The following EIF3H variants were observed in gnomAD, a reference collection of about 807,000 sequenced individuals.
The protein encoded by EIF3H is eukaryotic translation initiation factor 3 subunit H, also known as eIF-3-gamma.
EIF3H carries 26 observed loss-of-function variants against 44.2 expected under a neutral mutation model. That is an observed-to-expected ratio of 0.59 (90% confidence interval 0.43 to 0.82). The LOEUF (loss-of-function observed/expected upper bound fraction) is 0.82, where lower values mean the gene tolerates loss of function less well. Ranked by LOEUF, EIF3H falls within the 40% of genes least tolerant of loss-of-function variation. EIF3H has a pLI of 0.00. For synonymous variants in EIF3H, 166 were observed against 151.9 expected, an observed-to-expected ratio of 1.09 and a Z score of -0.68; for missense variants, 359 against 432.8, an observed-to-expected ratio of 0.83 and a Z score of 1.51.
intron 2 of EIF3H, among the ~76,000 whole-genome samples, chr8:116,674,067 C>CAAAAAAAAAAA (rs59899280): frequency 8.1e-5 from 4 of 49,664 alleles, no homozygotes; most frequent in African/African-American, 3.7e-4. Flanking sequence ...AAGACTGTCT[C>CAAAAAAAAAAA]AAAAAAAAAA....
At chr8:116,662,964 T>C (rs780398493) in intron 2 of EIF3H, among the ~76,000 whole-genome samples, 3 of 152,040 alleles carry the variant, frequency 2.0e-5, no homozygotes, top group Non-Finnish European at 4.4e-5. Flanking sequence ...ATTGGGTAGG[T>C]AGGTAAGGAG....
At chr8:116,743,097 A>G (rs1227836285) in intron 1 of EIF3H, among the ~76,000 whole-genome samples, 9 of 152,194 alleles carry the variant, frequency 5.9e-5, no homozygotes, top group Non-Finnish European at 5.9e-5. Flanking sequence ...AAAGGCTACC[A>G]GTAAACCACA....
intron 1 of EIF3H, among the ~76,000 whole-genome samples, chr8:116,753,370 A>T (rs979508296): frequency 1.3e-5 from 2 of 152,012 alleles, no homozygotes; most frequent in Admixed American, 6.6e-5. Context: ...TCTTATTATG[A>T]TTGATTTTGG....
Position 116,725,912 on chromosome 8 carries a change from C to T in EIF3H, c.289+104G>A, listed in dbSNP as rs184402890. On this transcript the variant is annotated intron_variant, in intron 2 of 7. Transcript: ENST00000521861. ...TCAGACATCAAGTGAAGTAGGCTAG[C>T]CTGACAGATTCCCAATTCACACATT... 672 of 1,357,094 alleles carry T rather than the reference C, an allele frequency of 5.0e-4. 4 individuals carry two copies. The African/African-American group carries it at 9.4e-3, about 19-fold the overall frequency. 84.1% of individuals were successfully genotyped at this position (1,357,094 alleles called of 1,614,324 possible).
At chr8:116,721,045 A>G (rs1814735360) in intron 2 of EIF3H, among the ~76,000 whole-genome samples, 1 of 152,176 alleles carries the variant, frequency 6.6e-6, no homozygotes, top group Non-Finnish European at 1.5e-5. Flanking sequence ...CATCTCCAAG[A>G]CAATGGGAAA....
chr8:116,690,451 T>C (rs185688746), intron 2 of EIF3H, among the ~76,000 whole-genome samples: 22 of 151,800 alleles, frequency 1.4e-4, no homozygotes, highest in African/African-American at 5.1e-4. Flanking sequence ...TCCCAGCACT[T>C]TGGCAGGCTG....
At chr8:116,747,225 G>C (rs901855672) in intron 1 of EIF3H, among the ~76,000 whole-genome samples, 10 of 152,074 alleles carry the variant, frequency 6.6e-5, no homozygotes, top group African/African-American at 2.2e-4. Context: ...ATCATGCCCG[G>C]CTAATTTCTT....
At chr8:116,653,370 C>CACACACACACACAA (rs1483571960) in intron 5 of EIF3H, among the ~76,000 whole-genome samples, 3 of 151,978 alleles carry the variant, frequency 2.0e-5, no homozygotes, top group African/African-American at 7.2e-5. Flanking sequence ...CACACACACA[C>CACACACACACACAA]AATCTGTGTA....
chr8:116,675,336 A>C (rs1322494778), intron 2 of EIF3H, among the ~76,000 whole-genome samples: 2 of 152,194 alleles, frequency 1.3e-5, no homozygotes, highest in Admixed American at 1.3e-4. Context: ...ACAGATCCAC[A>C]TTCCATTTTA....
At chr8:116,664,316 T>C (rs1813631807) in intron 2 of EIF3H, among the ~76,000 whole-genome samples, 1 of 152,230 alleles carries the variant, frequency 6.6e-6, no homozygotes, top group South Asian at 2.1e-4. Context: ...TTCTCTTGTT[T>C]TACTGTCACA....
rs1563659935 is a variant in EIF3H, at chr8:116,743,798, AAACACAC to A, written c.132+11861_132+11867del. 0.012 allele frequency among the ~76,000 whole-genome samples: 994 copies of A among 79,574 alleles called. 17 individuals carry two copies. In the East Asian group the frequency reaches 0.14, roughly 11 times the overall value. The allele number at this position is 79,574 out of a possible 152,430, so 52.2% of individuals were successfully genotyped here. ...TATATATATATATATATATATATATAAACACACACACACACACACACACACACACACA... is the reference window on the plus strand; with the variant it reads ...TATATATATATATATATATATATATAACACACACACACACACACACACACA... On this transcript the variant is annotated intron_variant, in intron 1 of 7. Coordinates refer to ENST00000521861, the MANE Select transcript of EIF3H (RefSeq NM_003756.3).
At chr8:116,668,361 G>C (rs1471211174) in intron 2 of EIF3H, among the ~76,000 whole-genome samples, 1 of 152,206 alleles carries the variant, frequency 6.6e-6, no homozygotes, top group Non-Finnish European at 1.5e-5. Context: ...TCTCCAGAGA[G>C]TGAGATCATA....
Position 116,643,436 on chromosome 8 carries a change from TTAAAG to T in EIF3H, c.*1565_*1569del, listed in dbSNP as rs1239829233. On this transcript the variant is annotated 3_prime_UTR_variant, in exon 8 of 8. Coordinates refer to ENST00000521861, the MANE Select transcript of EIF3H (RefSeq NM_003756.3). ...TAGAATGTTCTAGGCCCTGAGCTTT[TTAAAG>T]TAAAACCCAGCCAACAACCCAACAT... 3 of 152,208 alleles carry T rather than the reference TTAAAG, an allele frequency of 2.0e-5. No homozygotes were observed. Among genetic ancestry groups the T allele is most frequent in the Non-Finnish European group, 4.4e-5 (3 of 68,048 alleles). 9.4% of individuals were successfully genotyped at this position (152,208 alleles called of 1,614,324 possible). A position where few individuals can be genotyped will look rare whatever the true frequency, so the allele number is the denominator to read the frequency against.
chr8:116,661,271 G>A (rs903787572), intron 2 of EIF3H, among the ~76,000 whole-genome samples: 1 of 152,146 alleles, frequency 6.6e-6, no homozygotes, highest in African/African-American at 2.4e-5. Flanking sequence ...GGAAAGGGAA[G>A]AGGAGAGATT....
chr8:116,681,267 GCACGAGAAT>G (rs1813984566), intron 2 of EIF3H, among the ~76,000 whole-genome samples: 1 of 152,128 alleles, frequency 6.6e-6, no homozygotes, highest in Non-Finnish European at 1.5e-5. Flanking sequence ...GGAGGCTGAG[GCACGAGAAT>G]CACTTGAACT....
At chr8:116,698,633 A>C (rs900573290) in intron 2 of EIF3H, among the ~76,000 whole-genome samples, 2 of 152,204 alleles carry the variant, frequency 1.3e-5, no homozygotes, top group African/African-American at 4.8e-5. Flanking sequence ...AGGAAACTGA[A>C]GCTGAAAGAC....
intron 2 of EIF3H, among the ~76,000 whole-genome samples, chr8:116,666,532 G>A (rs139645426): frequency 1.4e-3 from 207 of 151,920 alleles, no homozygotes; most frequent in African/African-American, 4.5e-3. Context: ...CATTTATGGC[G>A]TTGGTCATGA....
chr8:116,655,733 G>T, intron 5 of EIF3H, 123 bp downstream of exon 5: 1 of 1,048,796 alleles, frequency 9.5e-7, no homozygotes, highest in Non-Finnish European at 1.4e-6. Context: ...TGTTATACAT[G>T]TTTTAAGAAC....
intron 1 of EIF3H, chr8:116,737,119 T>A (rs77803704): frequency 0.086 from 17,377 of 202,618 alleles, 1,213 homozygotes; most frequent in African/African-American, 0.19. Flanking sequence ...ATGATTTTTT[T>A]AAAAATTCAC....
Sources: allele counts gnomAD v4.1 joint callset (sites outside exome capture counted in the v4.1 genomes callset), GRCh38; gene constraint gnomAD v4.1.1; transcripts MANE v1.5; gene names NCBI Gene and HGNC (gene_info 2026-07-23, HGNC 2026-07-21).